The following SLC5A4 variants were observed in gnomAD, a reference collection of about 807,000 sequenced individuals.
The protein encoded by SLC5A4 is solute carrier family 5 member 4.
A neutral mutation model predicts 70.3 loss-of-function variants in SLC5A4; 55 were observed. The ratio of observed to expected loss-of-function variants is 0.78; its 90% CI spans 0.63 to 0.98. The LOEUF is 0.98. Ranked by LOEUF, SLC5A4 falls within the 50% of genes least tolerant of loss-of-function variation. The pLI is 0.00. For synonymous variants in SLC5A4, 268 were observed against 305.7 expected, an observed-to-expected ratio of 0.88 and a Z score of 1.29; for missense variants, 735 against 839.2, an observed-to-expected ratio of 0.88 and a Z score of 1.53.
chr22:32,306,807 T>C, the SLC5A4 span, among the ~76,000 whole-genome samples: 1 of 152,328 alleles, frequency 6.6e-6, no homozygotes, highest in East Asian at 1.9e-4. Flanking sequence ...ACTGACCGCT[T>C]GGTTATTTGA....
the SLC5A4 span, among the ~76,000 whole-genome samples, chr22:32,333,197 C>A: frequency 6.4e-5 from 4 of 62,752 alleles, no homozygotes; most frequent in Non-Finnish European, 9.5e-5. Flanking sequence ...AGCACTGGCA[C>A]CCCCCCCCCA....
Position 32,247,450 on chromosome 22 carries a change from GGAGA to G in SLC5A4, c.434_437del (p.Leu145ProfsTer12). On this transcript the variant is annotated frameshift_variant, in exon 5 of 15. Transcript: ENST00000266086. LOFTEE classifies it high-confidence loss of function. ...CCACACAGATGAAGAGGGAGAGGAT[GGAGA>G]GGTAGACCTGGAGTCGCTCCCCACC... The G allele has an allele frequency of 6.2e-7, 1 of 1,613,636 alleles. No homozygotes were observed. Among genetic ancestry groups the G allele is most frequent in the South Asian group, 1.1e-5 (1 of 91,060 alleles).
upstream of SLC5A4, among the ~76,000 whole-genome samples, chr22:32,259,778 C>A (rs1042655491): frequency 3.9e-5 from 6 of 152,174 alleles, no homozygotes; most frequent in Non-Finnish European, 7.3e-5. Context: ...GGTGTTAATT[C>A]TTCCTTAATT....
At chr22:32,302,631 A>C in the SLC5A4 span, among the ~76,000 whole-genome samples, 1 of 152,170 alleles carries the variant, frequency 6.6e-6, no homozygotes, top group Non-Finnish European at 1.5e-5. Context: ...CCAATTTGGC[A>C]AATATGTGTG....
At chr22:32,305,412 T>C in the SLC5A4 span, among the ~76,000 whole-genome samples, 66 of 147,986 alleles carry the variant, frequency 4.5e-4, 2 homozygotes, top group African/African-American at 1.6e-3. Flanking sequence ...GAAAGATATA[T>C]TTAACAAATT....
At chr22:32,312,387 GCACA>G in the SLC5A4 span, among the ~76,000 whole-genome samples, 1 of 29,616 alleles carries the variant, frequency 3.4e-5, no homozygotes, top group Non-Finnish European at 7.9e-5. Flanking sequence ...ACACACACAC[GCACA>G]TTCAATATTC....
rs549040808 is a variant in SLC5A4 at position 32,224,082 on chromosome 22, A to G, written c.1665+185T>C. ...ATTACAGGTGCCCACCACCACACCC[A>G]GCTAATTTTTTGTATTTTTAGTAGA... is the stretch of plus-strand genomic sequence containing the variant. On this transcript the variant is annotated intron_variant, in intron 13 of 14. Transcript: ENST00000266086. Among the ~76,000 whole-genome samples the G allele has an allele frequency of 5.3e-5, 8 of 152,144 alleles. No homozygotes were observed. The South Asian group carries it at 1.0e-3, about 20-fold the overall frequency.
At chr22:32,253,209 C>T (rs1004560020) in intron 2 of SLC5A4, among the ~76,000 whole-genome samples, 10 of 152,158 alleles carry the variant, frequency 6.6e-5, no homozygotes, top group Non-Finnish European at 2.9e-5. Flanking sequence ...TGCTAAGCAC[C>T]CACTGTATAA....
chr22:32,277,648 T>C, the SLC5A4 span, among the ~76,000 whole-genome samples: 439 of 152,174 alleles, frequency 2.9e-3, 1 homozygote, highest in Admixed American at 7.1e-3. Context: ...CCCGGGTTCA[T>C]GCCATTCTCC....
chr22:32,224,213 C>T, intron 13 of SLC5A4, 54 bp downstream of exon 13: 7 of 1,422,642 alleles, frequency 4.9e-6, no homozygotes, highest in Non-Finnish European at 6.9e-6. Context: ...AGCCACTGCG[C>T]CCGGCCAAGA....
chr22:32,226,746 C>T (rs1925421512), intron 11 of SLC5A4, among the ~76,000 whole-genome samples: 1 of 152,158 alleles, frequency 6.6e-6, no homozygotes, highest in Non-Finnish European at 1.5e-5. Context: ...AGTTTCCTAT[C>T]ACATGTAGAA....
chr22:32,289,852 T>A, the SLC5A4 span, among the ~76,000 whole-genome samples: 1 of 152,224 alleles, frequency 6.6e-6, no homozygotes, highest in Non-Finnish European at 1.5e-5. Flanking sequence ...TATTTTTGCA[T>A]CTAGGCTGAT....
chr22:32,335,059 C>CAGA, the SLC5A4 span, among the ~76,000 whole-genome samples: 1 of 152,162 alleles, frequency 6.6e-6, no homozygotes, highest in Non-Finnish European at 1.5e-5. Flanking sequence ...CCCATCCTGC[C>CAGA]TCCAAGAGAT....
chr22:32,348,446 G>A, the SLC5A4 span, among the ~76,000 whole-genome samples: 1 of 152,204 alleles, frequency 6.6e-6, no homozygotes, highest in Admixed American at 6.5e-5. Context: ...CTCCTCCAGG[G>A]GAGTGCCTCC....
intron 6 of SLC5A4, among the ~76,000 whole-genome samples, chr22:32,238,335 T>A (rs1330725948): frequency 6.6e-6 from 1 of 152,166 alleles, no homozygotes; most frequent in Admixed American, 6.5e-5. Flanking sequence ...GGAGAGTTGG[T>A]CTCTCTGTCG....
the SLC5A4 span, among the ~76,000 whole-genome samples, chr22:32,289,119 G>T: frequency 3.9e-5 from 6 of 151,930 alleles, no homozygotes; most frequent in Non-Finnish European, 7.4e-5. Context: ...GCTATCTAGT[G>T]TCTCTTAAAA....
At chr22:32,251,149 C>CAAAAAAAAAAA (rs1169115054) in intron 3 of SLC5A4, among the ~76,000 whole-genome samples, 13 of 22,768 alleles carry the variant, frequency 5.7e-4, no homozygotes, top group African/African-American at 1.3e-3. Context: ...AACAAATAAG[C>CAAAAAAAAAAA]AAAAAAAAAA....
chr22:32,232,864 T>A, intron 9 of SLC5A4, 35 bp downstream of exon 9: 1 of 1,581,634 alleles, frequency 6.3e-7, no homozygotes, highest in South Asian at 1.2e-5. Context: ...AATACAAGCA[T>A]AAAAAAAGAG....
chr22:32,255,131 C>A, intron 1 of SLC5A4, 64 bp downstream of exon 1: 2 of 1,360,274 alleles, frequency 1.5e-6, no homozygotes, highest in South Asian at 1.2e-5. Flanking sequence ...ACACCCCTTC[C>A]CCCCTTAAGA....
Sources: allele counts gnomAD v4.1 joint callset (sites outside exome capture counted in the v4.1 genomes callset), GRCh38; gene constraint gnomAD v4.1.1; transcripts MANE v1.5; gene names NCBI Gene and HGNC (gene_info 2026-07-23, HGNC 2026-07-21).